The following LRP1B variants were observed in gnomAD, a reference collection of about 807,000 sequenced individuals.
The protein encoded by LRP1B is low-density lipoprotein receptor-related protein 1B.
LRP1B carries 217 observed loss-of-function variants against 556.6 expected under a neutral mutation model. That is an observed-to-expected ratio of 0.39 (90% CI 0.35 to 0.44). LRP1B has a LOEUF of 0.44. LRP1B is among the 20% of genes least tolerant of loss of function. The pLI is 1.00. For synonymous variants in LRP1B, 2,047 were observed against 1,865.8 expected, an observed-to-expected ratio of 1.10 and a Z score of -2.50; for missense variants, 5,053 against 5,620.8, an observed-to-expected ratio of 0.90 and a Z score of 3.23.
intron 3 of LRP1B, among the ~76,000 whole-genome samples, chr2:141,369,935 C>A (rs773900337): frequency 2.6e-5 from 4 of 152,126 alleles, no homozygotes; most frequent in Non-Finnish European, 5.9e-5. Context: ...AGACAATGTC[C>A]TTCAGTTCCA....
chr2:141,662,732 G>C (rs575832542), intron 2 of LRP1B, among the ~76,000 whole-genome samples: 1 of 151,952 alleles, frequency 6.6e-6, no homozygotes, highest in African/African-American at 2.4e-5. Context: ...ATAATAGTGA[G>C]AGACTTTAAC....
At chr2:142,087,631 G>A (rs1031792468) in intron 1 of LRP1B, among the ~76,000 whole-genome samples, 6 of 148,966 alleles carry the variant, frequency 4.0e-5, no homozygotes, top group East Asian at 3.9e-4. Flanking sequence ...ATAAAATATC[G>A]CCCCTTTTCA....
chr2:141,993,649 A>G (rs1702405502), intron 1 of LRP1B, among the ~76,000 whole-genome samples: 1 of 152,164 alleles, frequency 6.6e-6, no homozygotes, highest in South Asian at 2.1e-4. Flanking sequence ...CATTGAGATA[A>G]AGTCTACAAA....
intron 2 of LRP1B, among the ~76,000 whole-genome samples, chr2:141,528,007 C>T (rs1309510142): frequency 2.0e-5 from 3 of 151,932 alleles, no homozygotes; most frequent in Non-Finnish European, 2.9e-5. Flanking sequence ...CAGTCATCTG[C>T]CCCTCTTCTA....
intron 3 of LRP1B, among the ~76,000 whole-genome samples, chr2:141,309,609 A>C (rs1686733425): frequency 6.6e-6 from 1 of 152,206 alleles, no homozygotes; most frequent in South Asian, 2.1e-4. Context: ...GAAAGATGAT[A>C]GTTCTAGAAA....
chr2:141,511,266 C>A (rs1231553777), intron 2 of LRP1B, among the ~76,000 whole-genome samples: 1 of 152,110 alleles, frequency 6.6e-6, no homozygotes, highest in Non-Finnish European at 1.5e-5. Flanking sequence ...GGGATACAAT[C>A]TTTTGTCTTC....
intron 83 of LRP1B, among the ~76,000 whole-genome samples, chr2:140,299,052 A>T (rs185327865): frequency 2.0e-5 from 3 of 152,242 alleles, no homozygotes; most frequent in Admixed American, 2.0e-4. Flanking sequence ...TTGTCTTTGT[A>T]GACCTAGAGA....
intron 60 of LRP1B, among the ~76,000 whole-genome samples, chr2:140,461,622 G>C (rs960074303): frequency 8.6e-5 from 13 of 152,022 alleles, no homozygotes; most frequent in Non-Finnish European, 1.5e-4. Flanking sequence ...ATCACCTGAG[G>C]TCAGGAGTTC....
chr2:140,626,430 G>A (rs572395515), intron 41 of LRP1B, among the ~76,000 whole-genome samples: 35 of 152,232 alleles, frequency 2.3e-4, no homozygotes, highest in South Asian at 6.2e-4. Context: ...CCACTCTGAC[G>A]CAAGATAGGG....
intron 7 of LRP1B, among the ~76,000 whole-genome samples, chr2:141,140,925 C>T (rs1701635372): frequency 2.0e-5 from 3 of 152,142 alleles, no homozygotes; most frequent in South Asian, 4.1e-4. Flanking sequence ...AAGATTTCCT[C>T]TGAATGAAGA....
At chr2:140,693,727 G>A (rs1175311771) in intron 41 of LRP1B, among the ~76,000 whole-genome samples, 2 of 150,576 alleles carry the variant, frequency 1.3e-5, no homozygotes, top group African/African-American at 2.4e-5. Context: ...GCGGGGGGGC[G>A]TGGAGAGTCA....
intron 2 of LRP1B, among the ~76,000 whole-genome samples, chr2:141,605,298 T>A (rs180771553): frequency 3.3e-4 from 50 of 152,182 alleles, no homozygotes; most frequent in Admixed American, 5.9e-4. Context: ...GGGACATATG[T>A]GGCCCACAAA....
intron 83 of LRP1B, among the ~76,000 whole-genome samples, chr2:140,310,254 T>C (rs1684240514): frequency 6.6e-6 from 1 of 151,808 alleles, no homozygotes. Flanking sequence ...TGTTAAATTA[T>C]ATTCTCTATT....
intron 87 of LRP1B, among the ~76,000 whole-genome samples, chr2:140,243,245 A>G (rs930907461): frequency 7.9e-5 from 12 of 151,076 alleles, no homozygotes; most frequent in Admixed American, 7.9e-4. Flanking sequence ...TGGGGAATCA[A>G]CAGAGTTGAT....
chr2:141,362,749 A>C (rs546570630), intron 3 of LRP1B, among the ~76,000 whole-genome samples: 1 of 152,158 alleles, frequency 6.6e-6, no homozygotes, highest in South Asian at 2.1e-4. Context: ...TGAAACTGGG[A>C]TCAAATCCAT....
chr2:141,217,673 C>T (rs949013692), intron 6 of LRP1B, among the ~76,000 whole-genome samples: 2 of 152,034 alleles, frequency 1.3e-5, no homozygotes, highest in African/African-American at 4.8e-5. Context: ...GAACATTGAC[C>T]TATGCAAAGA....
intron 55 of LRP1B, among the ~76,000 whole-genome samples, chr2:140,497,853 T>G (rs1227053403): frequency 3.9e-5 from 6 of 151,934 alleles, no homozygotes; most frequent in African/African-American, 1.4e-4. Flanking sequence ...TTCTGGAAGG[T>G]AAAATTGATT....
intron 31 of LRP1B, among the ~76,000 whole-genome samples, chr2:140,814,339 T>C (rs1419089844): frequency 6.6e-6 from 1 of 152,128 alleles, no homozygotes. Flanking sequence ...AACAGGTATC[T>C]CTATGGATTA....
intron 3 of LRP1B, among the ~76,000 whole-genome samples, chr2:141,392,864 G>T (rs1690105787): frequency 6.6e-6 from 1 of 152,140 alleles, no homozygotes; most frequent in Non-Finnish European, 1.5e-5. Context: ...CACAGTGCCA[G>T]CTCCAGAGAA....
Sources: gnomAD v4.1 joint callset for allele counts (sites outside exome capture counted in the v4.1 genomes callset) on GRCh38, gnomAD v4.1.1 for gene constraint, MANE v1.5 for transcripts, NCBI Gene and HGNC (gene_info 2026-07-23, HGNC 2026-07-21) for gene names.